The following LAMA3 variants were observed in gnomAD, a reference collection of about 807,000 sequenced individuals.
LAMA3 encodes the protein laminin subunit alpha 3.
A neutral mutation model predicts 402.0 loss-of-function variants in LAMA3; 281 were observed. The observed-to-expected ratio is 0.70, with a 90% CI of 0.63 to 0.77. The LOEUF is 0.77. LAMA3 is among the 30% of genes least tolerant of loss of function. LAMA3 has a pLI of 0.00. For synonymous variants in LAMA3, 1,431 were observed against 1,558.4 expected (o/e 0.92, Z 1.93); for missense variants, 3,840 against 4,215.5 (o/e 0.91, Z 2.47).
At chr18:23,814,524 A>AG (rs999714661) in intron 15 of LAMA3, 22 bp downstream of exon 15, 5 of 1,414,022 alleles carry the variant, frequency 3.5e-6, no homozygotes, top group Non-Finnish European at 5.0e-6. Context: ...ATATGTCATA[A>AG]TTTACTATAT....
intron 2 of LAMA3, among the ~76,000 whole-genome samples, chr18:23,717,067 T>C (rs919003142): frequency 6.6e-6 from 1 of 152,122 alleles, no homozygotes; most frequent in East Asian, 1.9e-4. Flanking sequence ...CTGTAGAAAA[T>C]ATTCTAAGAA....
intron 12 of LAMA3, among the ~76,000 whole-genome samples, chr18:23,784,773 A>G (rs1303339366): frequency 6.6e-6 from 1 of 152,040 alleles, no homozygotes. Context: ...ACATGAATGA[A>G]TGAATTTGCC....
At chr18:23,747,435 CGGA>C (rs2061671901) in intron 2 of LAMA3, among the ~76,000 whole-genome samples, 1 of 152,088 alleles carries the variant, frequency 6.6e-6, no homozygotes, top group African/African-American at 2.4e-5. Flanking sequence ...AAGATGAGGC[CGGA>C]GGAGATCCAC....
chr18:23,901,011 A>G (rs954206060), intron 47 of LAMA3, 116 bp from the exon 48 acceptor site: 6 of 932,036 alleles, frequency 6.4e-6, no homozygotes, highest in East Asian at 2.6e-5. Flanking sequence ...CATCCCCTCC[A>G]AAGTTCAAGG....
intron 2 of LAMA3, among the ~76,000 whole-genome samples, chr18:23,714,525 G>A (rs1013788594): frequency 5.9e-5 from 9 of 151,980 alleles, no homozygotes; most frequent in African/African-American, 2.2e-4. Context: ...ATCTCAAAAC[G>A]AAAACAAAAA....
intron 55 of LAMA3, among the ~76,000 whole-genome samples, chr18:23,910,111 T>A (rs1895830573): frequency 6.6e-6 from 1 of 152,238 alleles, no homozygotes; most frequent in Non-Finnish European, 1.5e-5. Flanking sequence ...AAAAACCAAA[T>A]GAATAAGAAT....
chr18:23,833,891 T>G lies in LAMA3; in HGVS notation c.2887T>G (p.Ser963Ala), dbSNP rs768194813. Residue 963 changes from serine to alanine, a missense_variant, in exon 24 of 75, where the codon TCC becomes GCC. This residue lies in a region of LAMA3 where 2,109 missense variants were observed against 2,376.0 expected (regional missense o/e 0.89). Coordinates refer to ENST00000313654, the MANE Select transcript of LAMA3 (RefSeq NM_198129.4). The stretch of plus-strand genomic sequence containing the variant: ...CCACTACGTGGTTGTGGTCGAGTAT[T>G]CCACGGAGGCAGCTCAGCTGTTTGT... ...VGHYVVVVEY[S>A]TEAAQLFVVD... The G allele has an allele frequency of 1.3e-4, 210 of 1,614,026 alleles. No homozygotes were observed. Among genetic ancestry groups the G allele is most frequent in the Admixed American group, 5.5e-4 (33 of 60,006 alleles).
At chr18:23,758,325 C>A in intron 6 of LAMA3, 71 bp from the exon 7 acceptor site, 1 of 1,083,254 alleles carries the variant, frequency 9.2e-7, no homozygotes, top group Non-Finnish European at 1.4e-6. Context: ...GTGTCAGGTT[C>A]GCACTATAGG....
At chr18:23,757,682 G>C (rs962684132) in intron 6 of LAMA3, among the ~76,000 whole-genome samples, 3 of 152,234 alleles carry the variant, frequency 2.0e-5, no homozygotes, top group African/African-American at 7.2e-5. Context: ...TCACACCAGG[G>C]CTGGACAATG....
chr18:23,724,096 G>A (rs138932877), intron 2 of LAMA3, among the ~76,000 whole-genome samples: 14 of 152,106 alleles, frequency 9.2e-5, no homozygotes, highest in Admixed American at 9.2e-4. Flanking sequence ...CATCCTCATA[G>A]CTTAGCTCTC....
At chr18:23,810,116 G>A (rs1376515094) in intron 12 of LAMA3, among the ~76,000 whole-genome samples, 7 of 152,182 alleles carry the variant, frequency 4.6e-5, no homozygotes, top group Non-Finnish European at 7.3e-5. Flanking sequence ...GCTCTTTTAA[G>A]TATTATCTTA....
At chr18:23,788,292 A>G (rs184431839) in intron 12 of LAMA3, among the ~76,000 whole-genome samples, 59 of 152,110 alleles carry the variant, frequency 3.9e-4, no homozygotes, top group African/African-American at 1.4e-3. Context: ...AAAATGGTGG[A>G]GAGGGAATAG....
At chr18:23,912,146 T>TC (rs1296339860) in intron 55 of LAMA3, among the ~76,000 whole-genome samples, 2 of 147,314 alleles carry the variant, frequency 1.4e-5, no homozygotes. Context: ...ATAGTTTTTT[T>TC]TTTTTGAGAC....
At position 23,942,325 on chromosome 18, in the gene LAMA3, C is replaced by T. The variant is rs144080840; in HGVS notation, c.9027-1463C>T. Among the ~76,000 whole-genome samples the T allele has an allele frequency of 3.9e-5, 6 of 152,292 alleles. No homozygotes were observed. The East Asian group carries it at 5.8e-4, about 15-fold the overall frequency. On this transcript the variant is annotated intron_variant, in intron 68 of 74. Coordinates refer to ENST00000313654, the MANE Select transcript of LAMA3 (RefSeq NM_198129.4). ...AGCCTGTTGACATCTGCATCTCCCA[C>T]GACCCTTTCACGCACACCTTTATGC...
chr18:23,741,477 C>A (rs573390085), intron 2 of LAMA3, among the ~76,000 whole-genome samples: 1 of 151,238 alleles, frequency 6.6e-6, no homozygotes, highest in Non-Finnish European at 1.5e-5. Context: ...TAATCGCCAT[C>A]GTTTCTTCTC....
intron 67 of LAMA3, among the ~76,000 whole-genome samples, chr18:23,937,760 A>G (rs2082356877): frequency 6.6e-6 from 1 of 152,202 alleles, no homozygotes; most frequent in South Asian, 2.1e-4. Context: ...TTTGGCTGAT[A>G]TAAGTAACTC....
rs377746471 is a variant in LAMA3, at chr18:23,871,711, G to C, written c.4998+50G>C. 2.7e-5 allele frequency: 39 copies of C among 1,453,476 alleles called. No individual in the cohort carries two copies. In the African/African-American group the frequency reaches 5.5e-4, roughly 20 times the overall value. The allele number at this position is 1,453,476 out of a possible 1,614,324, so 90.0% of individuals were successfully genotyped here. A position where few individuals can be genotyped will look rare whatever the true frequency, so the allele number is the denominator to read the frequency against. On this transcript the variant is annotated intron_variant, in intron 38 of 74. Coordinates refer to ENST00000313654, the MANE Select transcript of LAMA3 (RefSeq NM_198129.4). ...ATTTCCCTAGGGAGCTCCTGTGGCCGTTTTTGGCTGCTGTCCAGCACTGTG... is the reference window on the plus strand; with the variant it reads ...ATTTCCCTAGGGAGCTCCTGTGGCCCTTTTTGGCTGCTGTCCAGCACTGTG...
chr18:23,906,157 A>T lies in LAMA3; in HGVS notation c.6718+533A>T, dbSNP rs114035368. Among the ~76,000 whole-genome samples the T allele has an allele frequency of 2.3e-3, 345 of 152,334 alleles. 1 individual carries two copies. Among genetic ancestry groups the T allele is most frequent in the African/African-American group, 7.7e-3 (321 of 41,580 alleles). On this transcript the variant is annotated intron_variant, in intron 52 of 74. Coordinates refer to ENST00000313654, the MANE Select transcript of LAMA3 (RefSeq NM_198129.4). ...TCCCCACCTATCATGTACAAAATTA[A>T]CTAGAGCCTTATAAATATAAATAAA...
intron 12 of LAMA3, among the ~76,000 whole-genome samples, chr18:23,790,258 G>C (rs1282493389): frequency 6.6e-6 from 1 of 152,168 alleles, no homozygotes; most frequent in East Asian, 1.9e-4. Context: ...TCCATTAGTG[G>C]ATAGAGAAAT....
Sources: allele counts gnomAD v4.1 joint callset (sites outside exome capture counted in the v4.1 genomes callset), GRCh38; gene constraint gnomAD v4.1.1; regional missense constraint gnomAD v4.1.1; transcripts MANE v1.5; gene names NCBI Gene and HGNC (gene_info 2026-07-23, HGNC 2026-07-21).